CCDC91: variants seen among roughly 807,000 people sequenced by gnomAD.
CCDC91 encodes the protein coiled-coil domain containing 91, also known as coiled-coil domain-containing protein 91.
A neutral mutation model predicts 63.2 loss-of-function variants in CCDC91; 48 were observed. The observed-to-expected ratio is 0.76, with a 90% confidence interval of 0.60 to 0.97. The LOEUF is 0.97. Among genes scored for constraint, CCDC91 ranks in the 50% least tolerant of loss-of-function variants. CCDC91 has a pLI of 0.00. For synonymous variants in CCDC91, 167 were observed against 165.8 expected, an observed-to-expected ratio of 1.01 and a Z score of -0.06; for missense variants, 500 against 494.6, an observed-to-expected ratio of 1.01 and a Z score of -0.10.
At chr12:28,300,997 A>G (rs1938013966) in intron 3 of CCDC91, among the ~76,000 whole-genome samples, 1 of 151,608 alleles carries the variant, frequency 6.6e-6, no homozygotes, top group African/African-American at 2.4e-5. Flanking sequence ...AGTTAATTTT[A>G]TATGTATTCT....
At chr12:28,219,714 C>G (rs1045019513) in intron 1 of CCDC91, among the ~76,000 whole-genome samples, 6 of 152,204 alleles carry the variant, frequency 3.9e-5, no homozygotes, top group Middle Eastern at 3.4e-3. Context: ...ACCTCATGGT[C>G]CTCCTGCCTT....
intron 12 of CCDC91, among the ~76,000 whole-genome samples, chr12:28,503,127 A>G (rs540859075): frequency 6.6e-6 from 1 of 152,320 alleles, no homozygotes; most frequent in Admixed American, 6.5e-5. Flanking sequence ...AAAAGAAACT[A>G]CCATCAGAAT....
chr12:28,330,665 GT>G (rs1261554239), intron 6 of CCDC91, among the ~76,000 whole-genome samples: 1 of 152,040 alleles, frequency 6.6e-6, no homozygotes, highest in East Asian at 1.9e-4. Flanking sequence ...TGCTTTTGGT[GT>G]TTTAGTCATG....
chr12:28,210,168 A>C (rs182235257), intron 1 of CCDC91, among the ~76,000 whole-genome samples: 3 of 152,202 alleles, frequency 2.0e-5, no homozygotes, highest in Non-Finnish European at 4.4e-5. Flanking sequence ...GGCTAATTCC[A>C]TATGTCCCCA....
chr12:28,477,736 CCTT>C (rs1219229674), intron 11 of CCDC91, among the ~76,000 whole-genome samples: 1 of 152,162 alleles, frequency 6.6e-6, no homozygotes, highest in Non-Finnish European at 1.5e-5. Context: ...CCCCAAATCT[CCTT>C]AAGCTGATAA....
At chr12:28,446,143 A>G (rs958890141) in intron 8 of CCDC91, among the ~76,000 whole-genome samples, 1 of 152,168 alleles carries the variant, frequency 6.6e-6, no homozygotes, top group Non-Finnish European at 1.5e-5. Context: ...CATTGCTCCT[A>G]GAATGCTGAA....
intron 1 of CCDC91, among the ~76,000 whole-genome samples, chr12:28,232,973 CAA>C (rs35495535): frequency 1.5e-3 from 128 of 87,452 alleles, no homozygotes; most frequent in African/African-American, 3.6e-3. Flanking sequence ...ACTCTATCTC[CAA>C]AAAAAAAAAA....
intron 1 of CCDC91, among the ~76,000 whole-genome samples, chr12:28,213,988 T>C (rs1317041716): frequency 2.0e-5 from 3 of 152,176 alleles, no homozygotes; most frequent in South Asian, 2.1e-4. Flanking sequence ...CCAGGATTCA[T>C]GGATCCAAGA....
intron 1 of CCDC91, chr12:28,226,001 G>A (rs754818099): frequency 1.3e-5 from 2 of 152,174 alleles, no homozygotes; most frequent in Non-Finnish European, 2.9e-5. Flanking sequence ...CAGAGCCAAG[G>A]GAATTAGAAT....
intron 7 of CCDC91, among the ~76,000 whole-genome samples, chr12:28,380,093 A>T (rs550328453): frequency 6.6e-6 from 1 of 151,982 alleles, no homozygotes; most frequent in African/African-American, 2.4e-5. Flanking sequence ...CAAACACCGC[A>T]TGTTTTCACT....
At chr12:28,542,758 C>A (rs781175983) in intron 12 of CCDC91, among the ~76,000 whole-genome samples, 1 of 152,056 alleles carries the variant, frequency 6.6e-6, no homozygotes, top group Non-Finnish European at 1.5e-5. Flanking sequence ...TTTAATCCTC[C>A]ATTTCCCAAA....
chr12:28,355,006 T>C (rs1943428979), intron 6 of CCDC91, among the ~76,000 whole-genome samples: 2 of 151,928 alleles, frequency 1.3e-5, no homozygotes, highest in Admixed American at 6.6e-5. Flanking sequence ...CTGCCTCTCC[T>C]TTTTTCCTCC....
At chr12:28,383,329 C>G (rs1434038729) in intron 7 of CCDC91, among the ~76,000 whole-genome samples, 1 of 152,160 alleles carries the variant, frequency 6.6e-6, no homozygotes, top group Non-Finnish European at 1.5e-5. Flanking sequence ...ATCTGAGATT[C>G]ATTGCAATTC....
intron 8 of CCDC91, among the ~76,000 whole-genome samples, chr12:28,441,637 T>G (rs1331576907): frequency 6.8e-6 from 1 of 147,930 alleles, no homozygotes; most frequent in Non-Finnish European, 1.5e-5. Flanking sequence ...TGTGTATATA[T>G]ATCTCTCTCT....
At chr12:28,218,770 C>T (rs1163876060) in intron 1 of CCDC91, among the ~76,000 whole-genome samples, 1 of 150,836 alleles carries the variant, frequency 6.6e-6, no homozygotes, top group Admixed American at 6.6e-5. Context: ...GTTTCTTTGA[C>T]TTGGTGTAAT....
intron 7 of CCDC91, among the ~76,000 whole-genome samples, chr12:28,373,245 A>T (rs1316802717): frequency 6.6e-6 from 1 of 152,072 alleles, no homozygotes; most frequent in African/African-American, 2.4e-5. Flanking sequence ...AGTTATTTTT[A>T]TCCTGTTTTC....
intron 6 of CCDC91, among the ~76,000 whole-genome samples, chr12:28,352,076 T>C (rs1049293544): frequency 7.9e-5 from 12 of 152,224 alleles, no homozygotes; most frequent in African/African-American, 2.7e-4. Flanking sequence ...AAAAGTTACA[T>C]TTATACTATA....
At chr12:28,238,840 C>T (rs185515884) in intron 1 of CCDC91, among the ~76,000 whole-genome samples, 76 of 152,200 alleles carry the variant, frequency 5.0e-4, no homozygotes, top group Non-Finnish European at 1.1e-3. Context: ...TGTGTGGCAG[C>T]CAGGCACAGT....
intron 11 of CCDC91, among the ~76,000 whole-genome samples, chr12:28,473,846 A>T (rs1950945160): frequency 6.6e-6 from 1 of 152,130 alleles, no homozygotes; most frequent in African/African-American, 2.4e-5. Context: ...CCCCCTCAGG[A>T]GAACATTTAC....
Sources: allele counts gnomAD v4.1 joint callset (sites outside exome capture counted in the v4.1 genomes callset), GRCh38; gene constraint gnomAD v4.1.1; transcripts MANE v1.5; gene names NCBI Gene and HGNC (gene_info 2026-07-23, HGNC 2026-07-21).